Variants in NDUFA8 observed in about 807,000 individuals in gnomAD.
The protein encoded by NDUFA8 is NADH dehydrogenase [ubiquinone] 1 alpha subcomplex subunit 8.
Under a neutral mutation model 20.9 loss-of-function variants are expected in NDUFA8, and 16 were observed. The ratio of observed to expected loss-of-function variants is 0.77; its 90% CI spans 0.52 to 1.16. The LOEUF (loss-of-function observed/expected upper bound fraction) is 1.16, where lower values mean the gene tolerates loss of function less well. NDUFA8 is among the 50% of genes most tolerant of loss of function. The pLI, the probability that NDUFA8 is intolerant of heterozygous loss-of-function variation, is 0.00. For missense variants in NDUFA8, 202 were observed against 216.4 expected (o/e 0.93, Z 0.42); for synonymous variants, 70 against 76.1 (o/e 0.92, Z 0.41).
chr9:122,139,304 C>T (rs972939415), downstream of NDUFA8, among the ~76,000 whole-genome samples: 1 of 152,192 alleles, frequency 6.6e-6, no homozygotes, highest in Non-Finnish European at 1.5e-5. Flanking sequence ...TCAAACTGCG[C>T]TTGCTCTGAG....
chr9:122,138,872 G>GGGC, the NDUFA8 span, among the ~76,000 whole-genome samples: 14 of 141,720 alleles, frequency 9.9e-5, no homozygotes, highest in African/African-American at 2.5e-5. Flanking sequence ...AGGTGGGGGG[G>GGGC]GGGCCATCTG....
At chr9:122,137,022 C>T in the NDUFA8 span, among the ~76,000 whole-genome samples, 9 of 152,114 alleles carry the variant, frequency 5.9e-5, no homozygotes, top group African/African-American at 2.2e-4. Context: ...ATCCATTCCT[C>T]CACACAATAG....
intron 1 of NDUFA8, 49 bp from the exon 2 acceptor site, chr9:122,152,457 C>T (rs750703024): frequency 6.3e-7 from 1 of 1,589,064 alleles, no homozygotes; most frequent in Non-Finnish European, 8.6e-7. Context: ...AACCAGAATA[C>T]CACTTTCTCA....
the NDUFA8 span, among the ~76,000 whole-genome samples, chr9:122,138,868 G>GGT: frequency 2.8e-5 from 4 of 143,230 alleles, no homozygotes; most frequent in Non-Finnish European, 6.1e-5. Context: ...GAAGAGGTGG[G>GGT]GGGGGGGCCA....
At chr9:122,141,561 CAGAT>C (rs1227706753), downstream of NDUFA8, among the ~76,000 whole-genome samples, 2 of 152,174 alleles carry the variant, frequency 1.3e-5, no homozygotes, top group Non-Finnish European at 2.9e-5. Context: ...ACCATTAACT[CAGAT>C]AGGGAAGACA....
At chr9:122,155,737 A>C (rs958670939) in intron 1 of NDUFA8, among the ~76,000 whole-genome samples, 4 of 152,258 alleles carry the variant, frequency 2.6e-5, no homozygotes, top group African/African-American at 9.6e-5. Flanking sequence ...TTTAATAATT[A>C]AGTCAGTTAT....
downstream of NDUFA8, among the ~76,000 whole-genome samples, chr9:122,139,851 GC>G (rs1444921767): frequency 6.6e-6 from 1 of 152,092 alleles, no homozygotes; most frequent in Non-Finnish European, 1.5e-5. Context: ...GTACCACTAC[GC>G]CCAGCTAATT....
At position 122,144,551 on chromosome 9, in the gene NDUFA8, G is replaced by A. The variant is rs369629766; in HGVS notation, c.382-173C>T. On this transcript the variant is annotated intron_variant, in intron 3 of 3. Coordinates refer to ENST00000373768, the MANE Select transcript of NDUFA8 (RefSeq NM_014222.3). ...ATTTAATCATTGAACAAACACTCAGGAAAGCCTACTTTATGTCATTCCATG... is the reference window on the plus strand; with the variant it reads ...ATTTAATCATTGAACAAACACTCAGAAAAGCCTACTTTATGTCATTCCATG... Among the ~76,000 whole-genome samples the A allele has an allele frequency of 5.0e-4, 76 of 152,278 alleles. 1 individual carries two copies. In the South Asian group the frequency reaches 0.016, roughly 31 times the overall value.
At chr9:122,151,175 T>A (rs1828990934) in intron 2 of NDUFA8, among the ~76,000 whole-genome samples, 1 of 152,160 alleles carries the variant, frequency 6.6e-6, no homozygotes. Flanking sequence ...ATCTATTTTT[T>A]TTCTCTAACT....
rs1270830522 is a variant in NDUFA8 at position 122,152,482 on chromosome 9, G to A, written c.52-74C>T. 17 of 1,440,786 alleles carry A rather than the reference G, an allele frequency of 1.2e-5. 1 individual carries two copies. Among genetic ancestry groups the A allele is most frequent in the Middle Eastern group, 4.1e-4 (2 of 4,864 alleles). The allele number at this position is 1,440,786 out of a possible 1,614,324, so 89.3% of individuals were successfully genotyped here. On this transcript the variant is annotated intron_variant, in intron 1 of 3. Transcript: ENST00000373768. Reference sequence around the variant, plus strand: ...CCACTTTCTCAGCTTTACCTCATGCGGGTCAGAATAGAGAACACAAAAGTA... The same window carrying A: ...CCACTTTCTCAGCTTTACCTCATGCAGGTCAGAATAGAGAACACAAAAGTA...
chr9:122,159,292 C>T (rs1387904101), intron 1 of NDUFA8, among the ~76,000 whole-genome samples: 3 of 152,130 alleles, frequency 2.0e-5, no homozygotes, highest in Non-Finnish European at 4.4e-5. Context: ...ACCTCGCATG[C>T]AAGTTTGAGG....
chr9:122,152,107 C>A, intron 2 of NDUFA8, 138 bp downstream of exon 2: 1 of 950,872 alleles, frequency 1.1e-6, no homozygotes, highest in African/African-American at 1.6e-5. Flanking sequence ...TAATTATCAT[C>A]CTTTGAATGT....
At position 122,152,247 on chromosome 9, in the gene NDUFA8, A is replaced by G. The variant is rs539479015; in HGVS notation, c.213T>C (p.Phe71=). The G allele has an allele frequency of 5.6e-6, 9 of 1,614,198 alleles. No homozygotes were observed. The Admixed American group carries it at 6.7e-5, about 12-fold the overall frequency. ...KLVNKCALDF[F]RQIKRHCAEP... is the part of the protein sequence containing the mutation. ...GCACTGATACCAAAGATTTTTACCT[A>G]AAGAAGTCCAAAGCACACTTGTTGA... The change falls in exon 2 of 4, where the codon TTT becomes TTC. Residue 71 remains phenylalanine (F), a splice_region_variant and synonymous_variant. Coordinates refer to ENST00000373768, the MANE Select transcript of NDUFA8 (RefSeq NM_014222.3).
intron 3 of NDUFA8, among the ~76,000 whole-genome samples, chr9:122,147,298 C>A (rs1360252312): frequency 6.6e-6 from 1 of 152,016 alleles, no homozygotes; most frequent in African/African-American, 2.4e-5. Flanking sequence ...TGCATGGAAT[C>A]AGTAGGGAAT....
At chr9:122,151,425 C>G (rs1480440185) in intron 2 of NDUFA8, among the ~76,000 whole-genome samples, 1 of 152,224 alleles carries the variant, frequency 6.6e-6, no homozygotes, top group Admixed American at 6.5e-5. Context: ...TAGACTCAGT[C>G]CAGGAGCTTC....
At chr9:122,136,700 G>A in the NDUFA8 span, among the ~76,000 whole-genome samples, 1 of 152,086 alleles carries the variant, frequency 6.6e-6, no homozygotes, top group African/African-American at 2.4e-5. Flanking sequence ...GGGATTACAG[G>A]CGCCCACCAG....
At chr9:122,138,289 C>T in the NDUFA8 span, among the ~76,000 whole-genome samples, 1 of 152,160 alleles carries the variant, frequency 6.6e-6, no homozygotes, top group Admixed American at 6.5e-5. Flanking sequence ...ATATTTCTTG[C>T]ATGCAATTTA....
At chr9:122,143,997 A>G, downstream of NDUFA8, 1 of 1,229,856 alleles carries the variant, frequency 8.1e-7, no homozygotes. Context: ...AGAAGAAAAA[A>G]GCAAGGGGAA....
Position 122,159,689 on chromosome 9 carries a change from C to A in NDUFA8, c.-12G>T, listed in dbSNP as rs1564412546. ...ACTATCCCCGGCATGACGGCTGCAG[C>A]CCCGACCCCGACGAGAAGCCCTCAG... is the stretch of plus-strand genomic sequence containing the variant. On this transcript the variant is annotated 5_prime_UTR_variant, in exon 1 of 4. Transcript: ENST00000373768. The A allele has an allele frequency of 1.9e-6, 3 of 1,614,128 alleles. No individual in the cohort carries two copies. Among genetic ancestry groups the A allele is most frequent in the East Asian group, 2.2e-5 (1 of 44,876 alleles).
Sources: gnomAD v4.1 joint callset for allele counts (sites outside exome capture counted in the v4.1 genomes callset) on GRCh38, gnomAD v4.1.1 for gene constraint, MANE v1.5 for transcripts, NCBI Gene and HGNC (gene_info 2026-07-23, HGNC 2026-07-21) for gene names.